BMPER: variants seen among roughly 807,000 people sequenced by gnomAD.
The protein encoded by BMPER is BMP binding endothelial regulator.
Under a neutral mutation model 87.3 loss-of-function variants are expected in BMPER, and 45 were observed. The ratio of observed to expected loss-of-function variants is 0.52; its 90% CI spans 0.41 to 0.66. The LOEUF is 0.66. BMPER is among the 30% of genes least tolerant of loss of function. BMPER has a pLI of 0.00. For synonymous variants in BMPER, 326 were observed against 316.2 expected (o/e 1.03, Z -0.33); for missense variants, 784 against 867.5 (o/e 0.90, Z 1.21).
At chr7:34,086,600 A>C (rs530941290) in intron 13 of BMPER, among the ~76,000 whole-genome samples, 1 of 152,332 alleles carries the variant, frequency 6.6e-6, no homozygotes, top group South Asian at 2.1e-4. Flanking sequence ...CAAAATGAGA[A>C]TTATTTGGAT....
chr7:34,019,492 C>T lies in BMPER; in HGVS notation c.577-26814C>T, dbSNP rs147730186. Among the ~76,000 whole-genome samples, 644 of 152,126 alleles carry T rather than the reference C, an allele frequency of 4.2e-3. 6 individuals carry two copies. Among genetic ancestry groups the T allele is most frequent in the African/African-American group, 0.014 (585 of 41,546 alleles). On this transcript the variant is annotated intron_variant, in intron 6 of 14. Transcript: ENST00000649409. ...TTATACGCCCAACCTCAATACAGTC[C>T]TTGGAGAATGAGCTCATGCAGCCTT...
chr7:33,994,738 CA>C (rs1786354016), intron 6 of BMPER, among the ~76,000 whole-genome samples: 1 of 152,136 alleles, frequency 6.6e-6, no homozygotes, highest in South Asian at 2.1e-4. Context: ...TTGTTGTGAA[CA>C]AAAGGCCATT....
intron 6 of BMPER, among the ~76,000 whole-genome samples, chr7:34,037,322 C>T (rs1054920182): frequency 6.6e-6 from 1 of 152,098 alleles, no homozygotes; most frequent in African/African-American, 2.4e-5. Flanking sequence ...CCGCTGTATG[C>T]AGTTGAAGTT....
intron 6 of BMPER, among the ~76,000 whole-genome samples, chr7:34,034,885 A>G (rs749534226): frequency 1.3e-5 from 2 of 151,906 alleles, no homozygotes; most frequent in Non-Finnish European, 2.9e-5. Flanking sequence ...CTCAGGGTGG[A>G]TTTTCTCTCA....
At chr7:34,141,610 C>CAAAA (rs70997567) in intron 13 of BMPER, among the ~76,000 whole-genome samples, 12 of 54,978 alleles carry the variant, frequency 2.2e-4, no homozygotes, top group East Asian at 2.0e-3. Flanking sequence ...AACACCATCT[C>CAAAA]AAAAAAAAAA....
intron 2 of BMPER, among the ~76,000 whole-genome samples, chr7:33,910,793 C>T (rs953880888): frequency 1.3e-5 from 2 of 152,140 alleles, no homozygotes; most frequent in Non-Finnish European, 2.9e-5. Flanking sequence ...TTTTTAATCA[C>T]AAAAATCTAA....
intron 13 of BMPER, among the ~76,000 whole-genome samples, chr7:34,134,845 A>G (rs1324218852): frequency 6.6e-6 from 1 of 152,198 alleles, no homozygotes; most frequent in Non-Finnish European, 1.5e-5. Context: ...GCGTACCTCT[A>G]CTAAAAGCAA....
Position 34,154,746 on chromosome 7 carries a change from T to TG in BMPER, c.*1473_*1474insG, listed in dbSNP as rs1424956133. 1 of 152,120 alleles carries TG rather than the reference T, an allele frequency of 6.6e-6. No individual in the cohort carries two copies. The highest frequency in any genetic ancestry group is 1.9e-4 in the East Asian group (1 of 5,196). The allele number at this position is 152,120 out of a possible 1,614,324, so 9.4% of individuals were successfully genotyped here. ...CTAAAGTATTAACTTGGAATTTTTT[T>TG]TTTTTTTTTTGACTGGAAAATCCCT... is the stretch of plus-strand genomic sequence containing the variant. On this transcript the variant is annotated 3_prime_UTR_variant, in exon 15 of 15. Transcript: ENST00000649409.
intron 3 of BMPER, chr7:33,939,903 G>T (rs1409326750): frequency 8.6e-6 from 2 of 231,658 alleles, no homozygotes; most frequent in East Asian, 2.1e-4. Context: ...CCCTGGGGTG[G>T]ATGTTAATAT....
chr7:34,122,633 C>T (rs1451368706), intron 13 of BMPER, among the ~76,000 whole-genome samples: 1 of 152,310 alleles, frequency 6.6e-6, no homozygotes, highest in East Asian at 1.9e-4. Flanking sequence ...AACAGGGAAC[C>T]TCTTGCAGCC....
chr7:33,940,136 A>C (rs2128610155), intron 3 of BMPER: 1 of 159,704 alleles, frequency 6.3e-6, no homozygotes, highest in Non-Finnish European at 1.4e-5. Flanking sequence ...CAGAAATAGC[A>C]ATTGCTATCG....
At chr7:34,106,041 C>G (rs1041345750) in intron 13 of BMPER, among the ~76,000 whole-genome samples, 1 of 152,098 alleles carries the variant, frequency 6.6e-6, no homozygotes. Flanking sequence ...AGCCTTATGC[C>G]GAGTCAGGAG....
rs551321815 is a variant in BMPER, at chr7:34,045,077, A to C, written c.577-1229A>C. On this transcript the variant is annotated intron_variant, in intron 6 of 14. Transcript: ENST00000649409. ...TTCTCATTTCCTGAGGCCTCTTGAG[A>C]TATAAATTATGCACTCAAGACAAGC... Among the ~76,000 whole-genome samples, 15 of 152,250 alleles carry C rather than the reference A, an allele frequency of 9.9e-5. No homozygotes were observed. In the South Asian group the frequency reaches 3.1e-3, roughly 32 times the overall value.
At chr7:34,002,955 A>G (rs1786624097) in intron 6 of BMPER, among the ~76,000 whole-genome samples, 1 of 151,752 alleles carries the variant, frequency 6.6e-6, no homozygotes, top group South Asian at 2.1e-4. Flanking sequence ...CTTTAAAAAA[A>G]AATCAATTCT....
intron 13 of BMPER, among the ~76,000 whole-genome samples, chr7:34,137,588 G>A (rs1459360679): frequency 6.6e-6 from 1 of 152,234 alleles, no homozygotes; most frequent in African/African-American, 2.4e-5. Flanking sequence ...AAGGTATGAA[G>A]GACATGGGAC....
At chr7:33,932,400 C>T (rs73317702) in intron 2 of BMPER, among the ~76,000 whole-genome samples, 2,750 of 152,298 alleles carry the variant, frequency 0.018, 79 homozygotes, top group African/African-American at 0.062. Flanking sequence ...TTCTTAGTTT[C>T]CTGAAAAAAG....
In BMPER at chr7:33,918,187, A is replaced by G. The variant is rs1585633989; in HGVS notation, c.219+11284A>G. ...TCCCCCTTTCTCCTTTTAAAAACCTATTTTCTGAGGTTCCTCTTTGAGGCA... is the reference window on the plus strand; with the variant it reads ...TCCCCCTTTCTCCTTTTAAAAACCTGTTTTCTGAGGTTCCTCTTTGAGGCA... On this transcript the variant is annotated intron_variant, in intron 2 of 14. Coordinates refer to ENST00000649409, the MANE Select transcript of BMPER (RefSeq NM_001365308.1). Among the ~76,000 whole-genome samples the G allele has an allele frequency of 2.0e-5, 3 of 151,862 alleles. 1 individual carries two copies. In the South Asian group the frequency reaches 6.3e-4, roughly 32 times the overall value.
chr7:34,085,646 T>C, intron 12 of BMPER, 110 bp from the exon 13 acceptor site: 2 of 1,049,768 alleles, frequency 1.9e-6, no homozygotes, highest in Admixed American at 2.0e-5. Flanking sequence ...CCCTTGGTGC[T>C]CCTTATTGGA....
At chr7:33,937,536 G>GTGTGTGTGTGTT in intron 3 of BMPER, 148 bp downstream of exon 3, 1 of 681,906 alleles carries the variant, frequency 1.5e-6, no homozygotes, top group South Asian at 1.8e-5. Flanking sequence ...GTGTGTGTGT[G>GTGTGTGTGTGTT]TATGTGTGTG....
Sources: gnomAD v4.1 joint callset for allele counts (sites outside exome capture counted in the v4.1 genomes callset) on GRCh38, gnomAD v4.1.1 for gene constraint, MANE v1.5 for transcripts, NCBI Gene and HGNC (gene_info 2026-07-23, HGNC 2026-07-21) for gene names.